The following TIAM1 variants were observed in gnomAD, a reference collection of about 807,000 sequenced individuals.
TIAM1 encodes rho guanine nucleotide exchange factor TIAM1.
A neutral mutation model predicts 163.5 loss-of-function variants in TIAM1; 65 were observed. That is an observed-to-expected ratio of 0.40 (90% confidence interval 0.33 to 0.49). TIAM1 has a LOEUF of 0.49. Among genes scored for constraint, TIAM1 ranks in the 20% least tolerant of loss-of-function variants. TIAM1 has a pLI of 0.77. For missense variants in TIAM1, 1,789 were observed against 2,044.7 expected (o/e 0.87, Z 2.41); for synonymous variants, 833 against 810.1 (o/e 1.03, Z -0.48).
chr21:31,227,837 G>C (rs1304869236), intron 6 of TIAM1, among the ~76,000 whole-genome samples: 1 of 152,124 alleles, frequency 6.6e-6, no homozygotes, highest in South Asian at 2.1e-4. Flanking sequence ...CTGATGTACT[G>C]TACAAAGCTT....
intron 2 of TIAM1, among the ~76,000 whole-genome samples, chr21:31,325,580 A>C (rs1423797797): frequency 6.6e-6 from 1 of 151,814 alleles, no homozygotes; most frequent in African/African-American, 2.4e-5. Flanking sequence ...AGGCATGAGA[A>C]ACACTTGAAC....
intron 1 of TIAM1, among the ~76,000 whole-genome samples, chr21:31,552,511 C>T (rs2123323599): frequency 6.6e-6 from 1 of 152,242 alleles, no homozygotes; most frequent in African/African-American, 2.4e-5. Flanking sequence ...CGGTGGCTCA[C>T]ACCTGTAATC....
chr21:31,518,357 G>T (rs999070985), intron 1 of TIAM1, among the ~76,000 whole-genome samples: 1 of 151,914 alleles, frequency 6.6e-6, no homozygotes, highest in Non-Finnish European at 1.5e-5. Flanking sequence ...GCATGATCTC[G>T]ACTCACCACA....
At chr21:31,144,389 G>A (rs989429776) in intron 20 of TIAM1, among the ~76,000 whole-genome samples, 3 of 152,242 alleles carry the variant, frequency 2.0e-5, no homozygotes, top group African/African-American at 7.2e-5. Flanking sequence ...TTCCATATCA[G>A]AGCAAAAGAC....
chr21:31,394,302 G>A (rs1602171670), intron 2 of TIAM1, among the ~76,000 whole-genome samples: 1 of 152,338 alleles, frequency 6.6e-6, no homozygotes, highest in East Asian at 1.9e-4. Flanking sequence ...TGGAAAAGGT[G>A]AAGCTATAGA....
intron 1 of TIAM1, among the ~76,000 whole-genome samples, chr21:31,473,533 T>C (rs999089151): frequency 1.3e-5 from 2 of 151,734 alleles, no homozygotes; most frequent in African/African-American, 4.8e-5. Flanking sequence ...TTTGTTTTTT[T>C]TTGCTGTTGG....
At chr21:31,310,044 G>C (rs2074865235) in intron 2 of TIAM1, among the ~76,000 whole-genome samples, 1 of 152,210 alleles carries the variant, frequency 6.6e-6, no homozygotes, top group African/African-American at 2.4e-5. Flanking sequence ...TTAAGATTAA[G>C]TTTAAATACC....
chr21:31,206,726 A>C (rs1314692104), intron 11 of TIAM1, among the ~76,000 whole-genome samples: 1 of 152,178 alleles, frequency 6.6e-6, no homozygotes, highest in African/African-American at 2.4e-5. Flanking sequence ...AAACAGCAAA[A>C]CACAATGTAG....
At chr21:31,515,910 C>T (rs1474650150) in intron 1 of TIAM1, among the ~76,000 whole-genome samples, 3 of 151,374 alleles carry the variant, frequency 2.0e-5, no homozygotes, top group Admixed American at 2.0e-4. Context: ...GAGTTCGAGA[C>T]CAGCCTGGGC....
chr21:31,135,978 C>A lies in TIAM1; in HGVS notation c.3838G>T (p.Ala1280Ser), dbSNP rs143640059. The A allele has an allele frequency of 7.4e-6, 12 of 1,614,064 alleles. No individual in the cohort carries two copies. In the African/African-American group the frequency reaches 1.5e-4, roughly 20 times the overall value. Residue 1280 changes from alanine to serine, a missense_variant, in exon 23 of 28, where the codon GCC becomes TCC. Coordinates refer to ENST00000541036, the MANE Select transcript of TIAM1 (RefSeq NM_001353694.2). ...TCCTTTTTCCACTTGCCCAGCGAGG[C>A]CGGCGGGTTCAGCCAGATCACGGTA... ...HTTVIWLNPP[A>S]SLGKWKKEPE...
intron 1 of TIAM1, among the ~76,000 whole-genome samples, chr21:31,469,962 G>A (rs1243620175): frequency 1.3e-5 from 2 of 151,846 alleles, no homozygotes. Flanking sequence ...CACTGTCTGA[G>A]GAGGCTCCGA....
Position 31,421,447 on chromosome 21 carries a change from G to A in TIAM1, c.-369+42536C>T, listed in dbSNP as rs1308415809. 2.6e-5 allele frequency among the ~76,000 whole-genome samples: 4 copies of A among 152,190 alleles called. No homozygotes were observed. In the East Asian group the frequency reaches 5.8e-4, roughly 22 times the overall value. On this transcript the variant is annotated intron_variant, in intron 2 of 28. Coordinates refer to the TIAM1 transcript ENST00000286827. ...GGAGGTGGGCAGTGGGCAAGCGGGT[G>A]AGCATTACCACCTGAGCTCCGCCTC...
intron 1 of TIAM1, among the ~76,000 whole-genome samples, chr21:31,510,775 C>T (rs189380897): frequency 1.4e-3 from 214 of 150,838 alleles, no homozygotes; most frequent in East Asian, 0.01. Context: ...GATCATGCCA[C>T]TACACTCCAG....
intron 4 of TIAM1, among the ~76,000 whole-genome samples, chr21:31,257,702 T>TC (rs2146774901): frequency 6.6e-6 from 1 of 152,062 alleles, no homozygotes; most frequent in Admixed American, 6.5e-5. Context: ...TTCAAGACCC[T>TC]CCCCCGGTGT....
chr21:31,316,131 A>C (rs1214179355), intron 2 of TIAM1, among the ~76,000 whole-genome samples: 3 of 152,174 alleles, frequency 2.0e-5, no homozygotes, highest in African/African-American at 7.2e-5. Context: ...TCTGGGTTAA[A>C]CTGGAAAAGG....
chr21:31,318,284 G>C (rs1601942632), intron 2 of TIAM1, among the ~76,000 whole-genome samples: 1 of 152,170 alleles, frequency 6.6e-6, no homozygotes, highest in East Asian at 1.9e-4. Context: ...TTTTCATAGA[G>C]ACAGGAGAAA....
chr21:31,256,624 C>CGA (rs1569115764), intron 4 of TIAM1, among the ~76,000 whole-genome samples: 1 of 149,430 alleles, frequency 6.7e-6, no homozygotes, highest in Non-Finnish European at 1.5e-5. Flanking sequence ...CACACACACA[C>CGA]ACACGTATAT....
rs1055949728 is a variant in TIAM1, at chr21:31,510,128, A to T, written c.-421-46093T>A. On this transcript the variant is annotated intron_variant, in intron 1 of 28. Coordinates refer to the TIAM1 transcript ENST00000286827. Reference sequence around the variant, plus strand: ...TGCATCAGTTTGCTAGGCTTGCCATAACAAAATACCAGAGTCTAGGTGGTT... The same window carrying T: ...TGCATCAGTTTGCTAGGCTTGCCATTACAAAATACCAGAGTCTAGGTGGTT... Among the ~76,000 whole-genome samples, 8 of 152,184 alleles carry T rather than the reference A, an allele frequency of 5.3e-5. No homozygotes were observed. In the South Asian group the frequency reaches 1.7e-3, roughly 32 times the overall value.
chr21:31,538,537 T>C (rs1487383011), intron 1 of TIAM1, among the ~76,000 whole-genome samples: 1 of 152,200 alleles, frequency 6.6e-6, no homozygotes, highest in Non-Finnish European at 1.5e-5. Flanking sequence ...TTCCTATCTG[T>C]AAAATGGGGA....
Sources: allele counts gnomAD v4.1 joint callset (sites outside exome capture counted in the v4.1 genomes callset), GRCh38; gene constraint gnomAD v4.1.1; transcripts MANE v1.5; gene names NCBI Gene and HGNC (gene_info 2026-07-23, HGNC 2026-07-21).